Variants in CC2D2B observed in about 807,000 individuals in gnomAD.
CC2D2B encodes protein CC2D2B.
CC2D2B carries 128 observed loss-of-function variants against 161.2 expected under a neutral mutation model. The observed-to-expected ratio is 0.79, with a 90% confidence interval of 0.69 to 0.92. The LOEUF is 0.92. CC2D2B is among the 40% of genes least tolerant of loss of function. The probability of loss-of-function intolerance (pLI) is 0.00; values close to 1 mark genes in which losing one functional copy is unlikely to be tolerated. For missense variants in CC2D2B, 1,173 were observed against 1,375.1 expected, an observed-to-expected ratio of 0.85 and a Z score of 2.32; for synonymous variants, 391 against 449.8, an observed-to-expected ratio of 0.87 and a Z score of 1.65.
intron 22 of CC2D2B, among the ~76,000 whole-genome samples, chr10:95,993,884 T>TAG (rs2078071890): frequency 1.1e-5 from 1 of 87,204 alleles, no homozygotes; most frequent in Non-Finnish European, 2.2e-5. Context: ...TATATATATA[T>TAG]ATATAGAGAG....
chr10:95,954,015 A>G (rs1174869680), intron 10 of CC2D2B, among the ~76,000 whole-genome samples: 1 of 152,190 alleles, frequency 6.6e-6, no homozygotes, highest in Non-Finnish European at 1.5e-5. Flanking sequence ...ATGGCTGCAA[A>G]TAGCTGCACT....
At chr10:96,025,211 A>ATATATG (rs2079707437) in intron 33 of CC2D2B, among the ~76,000 whole-genome samples, 1 of 130,186 alleles carries the variant, frequency 7.7e-6, no homozygotes, top group African/African-American at 3.0e-5. Context: ...ATATATATAT[A>ATATATG]TATATATATA....
intron 17 of CC2D2B, among the ~76,000 whole-genome samples, chr10:95,974,752 A>G (rs2077255558): frequency 6.6e-6 from 1 of 152,228 alleles, no homozygotes. Flanking sequence ...ATAAACGGAA[A>G]TGAAAAGCTT....
intron 30 of CC2D2B, 70 bp from the exon 31 acceptor site, chr10:96,019,133 T>C (rs2079341183): frequency 7.7e-7 from 1 of 1,298,508 alleles, no homozygotes; most frequent in African/African-American, 1.5e-5. Flanking sequence ...ATTAGAATCA[T>C]CACAGTATAA....
Position 96,014,357 on chromosome 10 carries a change from ATTAT to A in CC2D2B, c.3516+483_3516+486del, listed in dbSNP as rs542563381. 2.0e-5 allele frequency among the ~76,000 whole-genome samples: 3 copies of A among 152,280 alleles called. No individual in the cohort carries two copies. The South Asian group carries it at 6.2e-4, about 32-fold the overall frequency. On this transcript the variant is annotated intron_variant, in intron 29 of 34. Transcript: ENST00000646931. ...ATTCAGGACAAACTTTTAGTAATAAATTATTTGTTGTTTATCTGAAATTCAAATC... is the reference window on the plus strand; with the variant it reads ...ATTCAGGACAAACTTTTAGTAATAAATTGTTGTTTATCTGAAATTCAAATC...
At chr10:95,930,059 C>T (rs939585047) in intron 6 of CC2D2B, among the ~76,000 whole-genome samples, 7 of 152,130 alleles carry the variant, frequency 4.6e-5, no homozygotes, top group Admixed American at 1.3e-4. Context: ...TTTGTGTCCT[C>T]TTTTATTTAA....
intron 30 of CC2D2B, among the ~76,000 whole-genome samples, chr10:96,017,163 C>T (rs1052979153): frequency 6.6e-6 from 1 of 152,192 alleles, no homozygotes; most frequent in Non-Finnish European, 1.5e-5. Flanking sequence ...AATTTATATG[C>T]TTCTTCTACA....
chr10:95,959,836 A>G (rs2076701106), intron 11 of CC2D2B, among the ~76,000 whole-genome samples: 1 of 152,222 alleles, frequency 6.6e-6, no homozygotes, highest in African/African-American at 2.4e-5. Flanking sequence ...TTTTTAAAAC[A>G]GTATGTTACT....
chr10:96,023,980 G>A (rs778679049), intron 32 of CC2D2B, among the ~76,000 whole-genome samples: 2 of 152,164 alleles, frequency 1.3e-5, no homozygotes, highest in African/African-American at 4.8e-5. Context: ...TTCCACTCAC[G>A]AAGGGGGAAC....
rs540687350 is a variant in CC2D2B at position 96,030,650 on chromosome 10, T to C, written c.4126-1170T>C. 3.5e-4 allele frequency among the ~76,000 whole-genome samples: 54 copies of C among 152,272 alleles called. 1 individual carries two copies. The highest frequency in any genetic ancestry group is 1.3e-3 in the African/African-American group (53 of 41,552). The stretch of plus-strand genomic sequence containing the variant: ...TTCTCATGGTTCTGGAAGCTGGGAA[T>C]TCCAAGATCAAAGTGCTGGCAGAAA... On this transcript the variant is annotated intron_variant, in intron 34 of 34. Transcript: ENST00000646931.
chr10:96,019,741 G>A lies in CC2D2B; in HGVS notation c.3805G>A (p.Val1269Ile), dbSNP rs374317310. 4 of 1,600,882 alleles carry A rather than the reference G, an allele frequency of 2.5e-6. No individual in the cohort carries two copies. In the South Asian group the frequency reaches 3.4e-5, roughly 14 times the overall value. The change falls in exon 32 of 35, where the codon GTA becomes ATA. Residue 1269 changes from valine to isoleucine, a missense_variant. Val to Ile is a conservative substitution (Grantham distance 29, BLOSUM62 3). Around this residue, in one of 3 missense-constraint regions of CC2D2B, gnomAD observed 598 missense variants for 693.2 expected, o/e 0.86. Coordinates refer to ENST00000646931, the MANE Select transcript of CC2D2B (RefSeq NM_001349008.3). ...NIQQNNTPMA[V>I]FFDYSKESFW... is the part of the protein sequence containing the mutation. ...TCAACAAAATAATACACCAATGGCT[G>A]TATTTTTTGACTATTCAAAGGAAAG...
At chr10:96,000,756 T>G (rs1001355559) in intron 24 of CC2D2B, 4 of 152,188 alleles carry the variant, frequency 2.6e-5, no homozygotes, top group Non-Finnish European at 5.9e-5. Flanking sequence ...CCTAATGGCT[T>G]GACTTTTCAT....
At position 95,968,804 on chromosome 10, in the gene CC2D2B, G is replaced by T; in HGVS notation, c.1547G>T (p.Cys516Phe). 8.3e-7 allele frequency: 1 copy of T among 1,202,996 alleles called. No homozygotes were observed. Among genetic ancestry groups the T allele is most frequent in the East Asian group, 3.2e-5 (1 of 31,440 alleles). 74.5% of individuals were successfully genotyped at this position (1,202,996 alleles called of 1,614,324 possible). ...TTTTACAACAATAAACAGGTTTCTT[G>T]TACTTCAGTATCTCCCCTACAGTTT... ...KIFYNNKQVS[C>F]TSVSPLQFDF... Residue 516 changes from cysteine (C) to phenylalanine (F), a missense_variant, in exon 15 of 35, where the codon TGT (cysteine) becomes TTT (phenylalanine). Physicochemically the swap from Cys to Phe is radical, Grantham distance 205. Transcript: ENST00000646931.
chr10:95,995,705 C>T (rs112205476), intron 23 of CC2D2B, among the ~76,000 whole-genome samples: 15 of 152,276 alleles, frequency 9.9e-5, no homozygotes, highest in Non-Finnish European at 1.6e-4. Flanking sequence ...GGAATGGCCT[C>T]GACGCATATC....
intron 34 of CC2D2B, among the ~76,000 whole-genome samples, chr10:96,029,689 T>C (rs564736007): frequency 6.6e-6 from 1 of 152,246 alleles, no homozygotes; most frequent in South Asian, 2.1e-4. Context: ...AAGTCCCTTA[T>C]ATAAAATACC....
chr10:96,019,180 T>A (rs2079343774), intron 30 of CC2D2B, 23 bp from the exon 31 acceptor site: 2 of 1,546,440 alleles, frequency 1.3e-6, no homozygotes, highest in South Asian at 1.2e-5. Flanking sequence ...CCACCAAAAA[T>A]TACTTTCTTT....
chr10:95,946,797 G>A (rs1434893315), intron 9 of CC2D2B, among the ~76,000 whole-genome samples: 1 of 151,926 alleles, frequency 6.6e-6, no homozygotes, highest in African/African-American at 2.4e-5. Context: ...GGAGCATTGG[G>A]TCTGCCACAC....
At chr10:95,974,960 A>G (rs190880685) in intron 17 of CC2D2B, among the ~76,000 whole-genome samples, 3 of 152,338 alleles carry the variant, frequency 2.0e-5, no homozygotes, top group Admixed American at 1.3e-4. Context: ...AGAATTTACA[A>G]GACCAAGGGT....
chr10:95,982,656 C>T (rs983046623), intron 18 of CC2D2B, among the ~76,000 whole-genome samples: 3 of 152,196 alleles, frequency 2.0e-5, no homozygotes, highest in African/African-American at 7.2e-5. Context: ...CAGTTAGGCA[C>T]CACATTTTCT....
Sources: gnomAD v4.1 joint callset for allele counts (sites outside exome capture counted in the v4.1 genomes callset) on GRCh38, gnomAD v4.1.1 for gene constraint, gnomAD v4.1.1 regional missense constraint, MANE v1.5 for transcripts, NCBI Gene and HGNC (gene_info 2026-07-23, HGNC 2026-07-21) for gene names.